Variants in MAP2K2 observed in about 807,000 individuals in gnomAD.
MAP2K2 encodes the protein mitogen-activated protein kinase kinase 2.
A neutral mutation model predicts 43.7 loss-of-function variants in MAP2K2; 24 were observed. The observed-to-expected ratio is 0.55, with a 90% CI of 0.40 to 0.77. MAP2K2 has a LOEUF of 0.77. MAP2K2 is among the 30% of genes least tolerant of loss of function. MAP2K2 has a pLI of 0.00. For synonymous variants in MAP2K2, 244 were observed against 239.7 expected (o/e 1.02, Z -0.17); for missense variants, 470 against 566.8 (o/e 0.83, Z 1.73).
intron 1 of MAP2K2, among the ~76,000 whole-genome samples, chr19:4,118,572 C>T (rs1206204822): frequency 1.3e-5 from 2 of 151,946 alleles, no homozygotes; most frequent in African/African-American, 4.8e-5. Context: ...GAGGGAGGCT[C>T]TGTCTCAAAA....
chr19:4,097,131 T>C, intron 8 of MAP2K2, 148 bp downstream of exon 8: 1 of 625,268 alleles, frequency 1.6e-6, no homozygotes, highest in African/African-American at 2.0e-5. Context: ...AAAGTGGAGG[T>C]TTCAGTGAGC....
intron 8 of MAP2K2, among the ~76,000 whole-genome samples, chr19:4,096,537 C>T (rs1259669444): frequency 6.6e-6 from 1 of 152,204 alleles, no homozygotes; most frequent in Non-Finnish European, 1.5e-5. Flanking sequence ...CCTTGTTTTA[C>T]TCATCTGGGC....
chr19:4,102,733 C>T (rs2041032118), intron 3 of MAP2K2: 1 of 1,302,778 alleles, frequency 7.7e-7, no homozygotes, highest in African/African-American at 1.5e-5. Flanking sequence ...CTGAGGTCGC[C>T]ACGGCAGAGG....
intron 1 of MAP2K2, among the ~76,000 whole-genome samples, chr19:4,121,287 A>G (rs1238819939): frequency 2.6e-5 from 4 of 151,568 alleles, no homozygotes; most frequent in African/African-American, 7.3e-5. Flanking sequence ...GCCCCTCACA[A>G]GGGTTTTCCG....
rs1332074575 is a variant in MAP2K2, at chr19:4,099,278, C to T, written c.842G>A (p.Arg281Gln). The stretch of plus-strand genomic sequence containing the variant: ...TCCTTCTTCCCCGTCGACCACGGGC[C>T]GGCCAAAGATGGCCTCCAGCTCTTT... ...DAKELEAIFG[R>Q]PVVDGEEGEP... Residue 281 changes from arginine to glutamine, a missense_variant, in exon 7 of 11, where the codon CGG becomes CAG. Arg to Gln is a conservative substitution (Grantham distance 43). Coordinates refer to ENST00000262948, the MANE Select transcript of MAP2K2 (RefSeq NM_030662.4). The T allele has an allele frequency of 6.8e-6, 11 of 1,606,122 alleles. No homozygotes were observed. The highest frequency in any genetic ancestry group is 8.5e-6 in the Non-Finnish European group (10 of 1,176,802).
At chr19:4,108,946 T>C (rs2145067237) in intron 3 of MAP2K2, among the ~76,000 whole-genome samples, 1 of 152,302 alleles carries the variant, frequency 6.6e-6, no homozygotes, top group South Asian at 2.1e-4. Flanking sequence ...GCCGGCAACG[T>C]GACTCTGCGA....
chr19:4,099,703 G>C lies in MAP2K2; in HGVS notation c.706-289C>G, dbSNP rs1456610691. The stretch of plus-strand genomic sequence containing the variant: ...AATGGATGATGGGCCCCAGGAAGCA[G>C]GGGCCTCCTCCTCCACAGCTAACAT... On this transcript the variant is annotated intron_variant, in intron 6 of 10. Transcript: ENST00000262948. 2.5e-5 allele frequency: 12 copies of C among 477,600 alleles called. No individual in the cohort carries two copies. In the East Asian group the frequency reaches 4.3e-4, roughly 17 times the overall value. 29.6% of individuals were successfully genotyped at this position (477,600 alleles called of 1,614,324 possible). A position where few individuals can be genotyped will look rare whatever the true frequency, so the allele number is the denominator to read the frequency against.
At chr19:4,091,499 TGTGCCACCACAC>T in intron 10 of MAP2K2, among the ~76,000 whole-genome samples, 1 of 148,308 alleles carries the variant, frequency 6.7e-6, no homozygotes, top group Non-Finnish European at 1.5e-5. Flanking sequence ...ATTACAGGCA[TGTGCCACCACAC>T]CCAGCTAATT....
chr19:4,113,151 G>C (rs958075404), intron 2 of MAP2K2, among the ~76,000 whole-genome samples: 1 of 152,166 alleles, frequency 6.6e-6, no homozygotes, highest in Non-Finnish European at 1.5e-5. Context: ...TAATTTAGGA[G>C]AGGAAGTGGC....
chr19:4,100,878 A>G, intron 6 of MAP2K2, 141 bp downstream of exon 6: 1 of 974,488 alleles, frequency 1.0e-6, no homozygotes, highest in Non-Finnish European at 1.5e-6. Context: ...AGAGCTGCGC[A>G]GGAGAACTGG....
At chr19:4,095,687 C>T (rs1341728317) in intron 8 of MAP2K2, among the ~76,000 whole-genome samples, 6 of 151,922 alleles carry the variant, frequency 3.9e-5, no homozygotes, top group African/African-American at 1.5e-4. Context: ...AACAGGACAA[C>T]CTCTCGAGTG....
In MAP2K2 at chr19:4,115,738, C is replaced by T. The variant is rs1245655350; in HGVS notation, c.303+1681G>A. On this transcript the variant is annotated intron_variant, in intron 2 of 10. Coordinates refer to ENST00000262948, the MANE Select transcript of MAP2K2 (RefSeq NM_030662.4). The surrounding 1 kb of genome is among the most constrained non-coding windows in gnomAD (Gnocchi z 4.1). Reference sequence around the variant, plus strand: ...AAGGCAGGGCCCTCAAGCACTGCTGCCACCTGCGCAGACCCACGGGACTAG... The same window carrying T: ...AAGGCAGGGCCCTCAAGCACTGCTGTCACCTGCGCAGACCCACGGGACTAG... 2.6e-5 allele frequency among the ~76,000 whole-genome samples: 4 copies of T among 152,238 alleles called. No individual in the cohort carries two copies. Among genetic ancestry groups the T allele is most frequent in the East Asian group, 3.8e-4 (2 of 5,202 alleles).
intron 3 of MAP2K2, among the ~76,000 whole-genome samples, chr19:4,108,179 C>T (rs953177570): frequency 5.9e-5 from 9 of 152,202 alleles, no homozygotes; most frequent in African/African-American, 2.2e-4. Context: ...TTTACTTCCA[C>T]GGATGCTGCC....
intron 3 of MAP2K2, among the ~76,000 whole-genome samples, chr19:4,107,561 T>G (rs1245489569): frequency 7.1e-6 from 1 of 139,946 alleles, no homozygotes; most frequent in Non-Finnish European, 1.5e-5. Flanking sequence ...CTTAAAAAGC[T>G]ACTCAAGCGT....
intron 1 of MAP2K2, among the ~76,000 whole-genome samples, 172 bp from the exon 2 acceptor site, chr19:4,117,801 C>A (rs918029385): frequency 1.3e-5 from 2 of 152,186 alleles, no homozygotes; most frequent in African/African-American, 4.8e-5. Flanking sequence ...ATAGACACAC[C>A]AATGACCAGA....
intron 2 of MAP2K2, among the ~76,000 whole-genome samples, chr19:4,112,542 T>C (rs2041166932): frequency 6.6e-6 from 1 of 152,182 alleles, no homozygotes; most frequent in South Asian, 2.1e-4. Flanking sequence ...GCCCCTGCTC[T>C]AGGCCTGTGA....
chr19:4,114,576 G>A (rs891730809), intron 2 of MAP2K2, among the ~76,000 whole-genome samples: 2 of 152,232 alleles, frequency 1.3e-5, no homozygotes, highest in Non-Finnish European at 2.9e-5. Flanking sequence ...CAGGTAACGC[G>A]GGGACGCTGC....
chr19:4,108,985 G>A (rs1244001231), intron 3 of MAP2K2, among the ~76,000 whole-genome samples: 3 of 152,190 alleles, frequency 2.0e-5, no homozygotes, highest in African/African-American at 7.2e-5. Context: ...GGTCTCCCTC[G>A]CAGGCGGGAA....
At chr19:4,111,437 T>C (rs780806095) in intron 2 of MAP2K2, among the ~76,000 whole-genome samples, 30 of 152,266 alleles carry the variant, frequency 2.0e-4, no homozygotes, top group Non-Finnish European at 4.0e-4. Flanking sequence ...GGCAGGGCAA[T>C]GGCTCCCCTC....
Sources: allele counts gnomAD v4.1 joint callset (sites outside exome capture counted in the v4.1 genomes callset), GRCh38; gene constraint gnomAD v4.1.1; non-coding constraint Gnocchi (gnomAD v3.1); transcripts MANE v1.5; gene names NCBI Gene and HGNC (gene_info 2026-07-23, HGNC 2026-07-21).